Variants in USF3 observed in about 807,000 individuals in gnomAD.
The protein encoded by USF3 is basic helix-loop-helix domain-containing protein USF3.
Under a neutral mutation model 157.5 loss-of-function variants are expected in USF3, and 29 were observed. The ratio of observed to expected loss-of-function variants is 0.18; its 90% CI spans 0.14 to 0.25. The LOEUF is 0.25. Among genes scored for constraint, USF3 ranks in the 10% least tolerant of loss-of-function variants. The pLI is 1.00. For synonymous variants in USF3, 893 were observed against 941.4 expected (o/e 0.95, Z 0.94); for missense variants, 2,381 against 2,667.6 (o/e 0.89, Z 2.37).
Position 113,659,396 on chromosome 3 carries a change from T to C in USF3, c.2286A>G (p.Thr762=). The change falls in exon 7 of 7, where the codon ACA becomes ACG. Residue 762 remains threonine (T), a synonymous_variant. Coordinates refer to ENST00000316407, the MANE Select transcript of USF3 (RefSeq NM_001009899.4). ...SLTTTAAPPV[T]TDSSATLAST... ...TAGCTAGTGTGGCTGAACTATCTGT[T>C]GTCACAGGAGGTGCTGCAGTTGTTG... 1.2e-6 allele frequency: 2 copies of C among 1,614,256 alleles called. No individual in the cohort carries two copies. The highest frequency in any genetic ancestry group is 8.5e-7 in the Non-Finnish European group (1 of 1,180,038).
chr3:113,673,499 A>G, intron 3 of USF3, 123 bp from the exon 4 acceptor site: 1 of 632,434 alleles, frequency 1.6e-6, no homozygotes, highest in Non-Finnish European at 2.8e-6. Flanking sequence ...GCAATAAGAA[A>G]CAATCTGAAG....
chr3:113,659,518 C>G lies in USF3; in HGVS notation c.2164G>C (p.Ala722Pro). The G allele has an allele frequency of 6.2e-7, 1 of 1,614,190 alleles. No homozygotes were observed. The highest frequency in any genetic ancestry group is 8.5e-7 in the Non-Finnish European group (1 of 1,180,014). Residue 722 changes from alanine (A) to proline (P), a missense_variant, in exon 7 of 7, where the codon GCT (alanine) becomes CCT (proline). Around this residue, in one of 6 missense-constraint regions of USF3, gnomAD observed 1,435 missense variants for 1,550.9 expected, o/e 0.93. Coordinates refer to ENST00000316407, the MANE Select transcript of USF3 (RefSeq NM_001009899.4). ...ASLNQSISQM[A>P]GQSCVQLSIS... ...GACAATTGTACACAGCTTTGCCCAG[C>G]CATCTGTGATATGCTTTGATTGAGG...
Position 113,659,359 on chromosome 3 carries a change from G to A in USF3, c.2323C>T (p.Leu775=). The A allele has an allele frequency of 2.5e-6, 4 of 1,614,194 alleles. No homozygotes were observed. Among genetic ancestry groups the A allele is most frequent in the Non-Finnish European group, 3.4e-6 (4 of 1,180,014 alleles). ...SSATLASTYN[L]VSTSSMNTVA... is the part of the protein sequence containing the mutation. Reference sequence around the variant, plus strand: ...GTGTTCATTGAGGAAGTACTCACTAGATTATAAGTACTAGCTAGTGTGGCT... The same window carrying A: ...GTGTTCATTGAGGAAGTACTCACTAAATTATAAGTACTAGCTAGTGTGGCT... The change falls in exon 7 of 7, where the codon CTA becomes TTA. Residue 775 remains leucine (L), a synonymous_variant. Transcript: ENST00000316407.
rs1342677190 is a variant in USF3, at chr3:113,657,488, A to G, written c.4194T>C (p.Leu1398=). The G allele has an allele frequency of 6.2e-7, 1 of 1,614,172 alleles. No individual in the cohort carries two copies. The highest frequency in any genetic ancestry group is 2.2e-5 in the East Asian group (1 of 44,878). ...TGTTACTAGGTGGAAATAATCGTGTAAGGCCATCTCCATGAGCTGGGTTGC... is the reference window on the plus strand; with the variant it reads ...TGTTACTAGGTGGAAATAATCGTGTGAGGCCATCTCCATGAGCTGGGTTGC... ...PVSNPAHGDG[L]TRLFPPSNNF... is the part of the protein sequence containing the mutation. Residue 1398 remains leucine, a synonymous_variant, in exon 7 of 7, where the codon CTT becomes CTC. Coordinates refer to ENST00000316407, the MANE Select transcript of USF3 (RefSeq NM_001009899.4).
At chr3:113,694,573 A>T (rs377686591) in intron 1 of USF3, among the ~76,000 whole-genome samples, 1 of 152,324 alleles carries the variant, frequency 6.6e-6, no homozygotes, top group East Asian at 1.9e-4. Context: ...ACCTATGTAC[A>T]CCTAAGTCTT....
At position 113,659,020 on chromosome 3, in the gene USF3, T is replaced by C. The variant is rs370570519; in HGVS notation, c.2662A>G (p.Lys888Glu). 5.0e-5 allele frequency: 80 copies of C among 1,614,176 alleles called. 1 individual carries two copies. The African/African-American group carries it at 6.8e-4, about 14-fold the overall frequency. ...ESVSKSKSAE[K>E]SSPPSQESVT... is the part of the protein sequence containing the mutation. Reference sequence around the variant, plus strand: ...GATTCTTGGGAGGGTGGGCTGGACTTTTCTGCTGACTTAGATTTCGATACA... The same window carrying C: ...GATTCTTGGGAGGGTGGGCTGGACTCTTCTGCTGACTTAGATTTCGATACA... Residue 888 changes from lysine (K) to glutamate (E), a missense_variant, in exon 7 of 7, where the codon AAG becomes GAG. Transcript: ENST00000316407.
intron 5 of USF3, among the ~76,000 whole-genome samples, chr3:113,668,512 A>G (rs1193644451): frequency 6.6e-6 from 1 of 152,152 alleles, no homozygotes; most frequent in Non-Finnish European, 1.5e-5. Context: ...CACAACAAGA[A>G]CAATAAAACT....
Position 113,655,868 on chromosome 3 carries a change from T to C in USF3, c.5814A>G (p.Pro1938=), listed in dbSNP as rs1319331662. The change falls in exon 7 of 7, where the codon CCA becomes CCG. Residue 1938 remains proline (P), a synonymous_variant. Coordinates refer to ENST00000316407, the MANE Select transcript of USF3 (RefSeq NM_001009899.4). ...CAACCCCATGCATGTTGGTTGTGAC[T>C]GGAGGGTTCATGTGGCCCTTGGTGG... ...SHATKGHMNP[P]VTTNMHGVAR... is the part of the protein sequence containing the mutation. The C allele has an allele frequency of 4.3e-6, 7 of 1,614,208 alleles. No homozygotes were observed. Among genetic ancestry groups the C allele is most frequent in the East Asian group, 2.2e-5 (1 of 44,886 alleles).
intron 1 of USF3, among the ~76,000 whole-genome samples, chr3:113,693,918 T>C (rs1707746720): frequency 6.6e-6 from 1 of 152,146 alleles, no homozygotes; most frequent in South Asian, 2.1e-4. Context: ...GACACATGAG[T>C]GAGGCCTGAT....
rs1326571543 is a variant in USF3, at chr3:113,655,689, G to C, written c.5993C>G (p.Ser1998Cys). 4.3e-6 allele frequency: 7 copies of C among 1,613,814 alleles called. No homozygotes were observed. In the African/African-American group the frequency reaches 5.3e-5, roughly 12 times the overall value. The part of the protein sequence containing the change: ...SKIRQPERNR[S>C]GNQRQSTVFD... ...GACAGTACTTTGCCTTTGGTTTCCAGAACGATTCCTTTCAGGCTGACGAAT... is the reference window on the plus strand; with the variant it reads ...GACAGTACTTTGCCTTTGGTTTCCACAACGATTCCTTTCAGGCTGACGAAT... The change falls in exon 7 of 7, where the codon TCT becomes TGT. Residue 1998 changes from serine to cysteine, a missense_variant. Ser to Cys is a moderately radical substitution (Grantham distance 112). Coordinates refer to ENST00000316407, the MANE Select transcript of USF3 (RefSeq NM_001009899.4).
rs988141705 is a variant in USF3, at chr3:113,651,410, A to G, written c.*3534T>C. ...CTTACCACCACATGCTGATCCATAC[A>G]TGGTGGGCCCAATAAATGTTTCAAG... On this transcript the variant is annotated 3_prime_UTR_variant, in exon 7 of 7. Transcript: ENST00000316407. The G allele has an allele frequency of 2.0e-5, 3 of 152,184 alleles. No homozygotes were observed. Among genetic ancestry groups the G allele is most frequent in the African/African-American group, 7.2e-5 (3 of 41,450 alleles). 9.4% of individuals were successfully genotyped at this position (152,184 alleles called of 1,614,324 possible).
chr3:113,666,054 C>T (rs1444332995), intron 5 of USF3, among the ~76,000 whole-genome samples: 1 of 151,668 alleles, frequency 6.6e-6, no homozygotes, highest in South Asian at 2.1e-4. Context: ...CGTGGTGGCA[C>T]ATGCCTGTAA....
At chr3:113,665,420 G>A (rs1947548573) in intron 5 of USF3, among the ~76,000 whole-genome samples, 1 of 152,230 alleles carries the variant, frequency 6.6e-6, no homozygotes. Context: ...TTGAGTTTTG[G>A]TGTCATGCTT....
In USF3 at chr3:113,660,386, C is replaced by T. The variant is rs766659062; in HGVS notation, c.1296G>A (p.Thr432=). 9.9e-6 allele frequency: 16 copies of T among 1,614,040 alleles called. No individual in the cohort carries two copies. Among genetic ancestry groups the T allele is most frequent in the African/African-American group, 2.7e-5 (2 of 74,918 alleles). Reference sequence around the variant, plus strand: ...TTCCTGCCAGTTGCAAAGTAGTCCACGTTGTCTGTGTGTTTCCAGCTGAAG... The same window carrying T: ...TTCCTGCCAGTTGCAAAGTAGTCCATGTTGTCTGTGTGTTTCCAGCTGAAG... The part of the protein sequence containing the change: ...RISSAGNTQT[T]WTTLQLAGNT... Residue 432 remains threonine (T), a synonymous_variant, in exon 7 of 7, where the codon ACG becomes ACA. Coordinates refer to ENST00000316407, the MANE Select transcript of USF3 (RefSeq NM_001009899.4).
rs1947448077 is a variant in USF3, at chr3:113,659,850, G to A, written c.1832C>T (p.Thr611Ile). The change falls in exon 7 of 7, where the codon ACT (threonine) becomes ATT (isoleucine). Residue 611 changes from threonine (T) to isoleucine (I), a missense_variant. By Grantham distance (89) the Thr-to-Ile change is moderately conservative (BLOSUM62 -1). Transcript: ENST00000316407. The part of the protein sequence containing the change: ...SVRLPINGAN[T>I]VIGSNNSVQN... ...CACTGAATTATTAGACCCTATTACAGTATTGGCTCCATTGATGGGGAGTCG... is the reference window on the plus strand; with the variant it reads ...CACTGAATTATTAGACCCTATTACAATATTGGCTCCATTGATGGGGAGTCG... The A allele has an allele frequency of 1.9e-6, 3 of 1,614,236 alleles. No individual in the cohort carries two copies. The highest frequency in any genetic ancestry group is 2.5e-6 in the Non-Finnish European group (3 of 1,180,036).
chr3:113,687,245 ACACACACACACACACACACACC>A (rs1707575466), intron 1 of USF3, among the ~76,000 whole-genome samples: 1 of 150,862 alleles, frequency 6.6e-6, no homozygotes, highest in Non-Finnish European at 1.5e-5. Context: ...ACACACACAC[ACACACACACACACACACACACC>A]CCCTTTCTAG....
chr3:113,680,701 TGAGG>T (rs1707397665), intron 1 of USF3, among the ~76,000 whole-genome samples: 1 of 151,032 alleles, frequency 6.6e-6, no homozygotes, highest in Non-Finnish European at 1.5e-5. Context: ...AATTTAAGGC[TGAGG>T]CAGGAGAATC....
At chr3:113,690,219 T>C (rs535928750) in intron 1 of USF3, among the ~76,000 whole-genome samples, 32 of 152,354 alleles carry the variant, frequency 2.1e-4, no homozygotes, top group Admixed American at 1.1e-3. Context: ...CACCAAATTC[T>C]ATCAATTGTT....
chr3:113,657,901 A>AT lies in USF3; in HGVS notation c.3780dup (p.Ser1261IlefsTer14). 2 of 1,614,186 alleles carry AT rather than the reference A, an allele frequency of 1.2e-6. No homozygotes were observed. The highest frequency in any genetic ancestry group is 1.7e-6 in the Non-Finnish European group (2 of 1,180,024). On this transcript the variant is annotated frameshift_variant, in exon 7 of 7. Coordinates refer to ENST00000316407, the MANE Select transcript of USF3 (RefSeq NM_001009899.4). LOFTEE classifies it high-confidence loss of function. Reference sequence around the variant, plus strand: ...ACAGTTGTTTGCTCTGAAGTTGGGGATAAACCCGCACAGCTGGCCAGAGGA... The same window carrying AT: ...ACAGTTGTTTGCTCTGAAGTTGGGGATTAAACCCGCACAGCTGGCCAGAGGA...
Sources: gnomAD v4.1 joint callset for allele counts (sites outside exome capture counted in the v4.1 genomes callset) on GRCh38, gnomAD v4.1.1 for gene constraint, gnomAD v4.1.1 regional missense constraint, MANE v1.5 for transcripts, NCBI Gene and HGNC (gene_info 2026-07-23, HGNC 2026-07-21) for gene names.